The following KALRN variants were observed in gnomAD, a reference collection of about 807,000 sequenced individuals.
The protein encoded by KALRN is kalirin.
In KALRN, 70 loss-of-function variants were observed where a neutral mutation model predicts 353.7. The observed-to-expected ratio is 0.20, with a 90% CI of 0.16 to 0.24. The LOEUF is 0.24. Among genes scored for constraint, KALRN ranks in the 10% least tolerant of loss-of-function variants. The pLI is 1.00. For missense variants in KALRN, 2,791 were observed against 3,756.7 expected, an observed-to-expected ratio of 0.74 and a Z score of 6.72; for synonymous variants, 1,391 against 1,434.8, an observed-to-expected ratio of 0.97 and a Z score of 0.69.
Position 124,495,976 on chromosome 3 carries a change from T to TATGTATATATATATATATATATATAC in KALRN, c.4833-333_4833-332insGTATATATATATATATATATATACAT, listed in dbSNP as rs1214436096. On this transcript the variant is annotated intron_variant, in intron 32 of 59. Coordinates refer to ENST00000682506, the MANE Select transcript of KALRN (RefSeq NM_001388419.1). ...GTATGTGTATGTATGTATATATATA[T>TATGTATATATATATATATATATATAC]ATATATATATATATATATATATATA... 1.5e-3 allele frequency among the ~76,000 whole-genome samples: 37 copies of TATGTATATATATATATATATATATAC among 24,764 alleles called. 2 individuals are homozygous for TATGTATATATATATATATATATATAC. Among genetic ancestry groups the TATGTATATATATATATATATATATAC allele is most frequent in the South Asian group, 2.7e-3 (2 of 748 alleles). The allele number at this position is 24,764 out of a possible 152,430, so 16.2% of individuals were successfully genotyped here.
At chr3:124,407,384 G>T (rs1198123398) in intron 13 of KALRN, among the ~76,000 whole-genome samples, 1 of 151,438 alleles carries the variant, frequency 6.6e-6, no homozygotes, top group Non-Finnish European at 1.5e-5. Context: ...CTTTCTCATT[G>T]TTTCTCTTCT....
intron 1 of KALRN, among the ~76,000 whole-genome samples, chr3:124,080,500 T>C (rs1002768921): frequency 1.3e-5 from 2 of 152,226 alleles, no homozygotes; most frequent in Non-Finnish European, 2.9e-5. Context: ...AAATTGTGTA[T>C]GTGTGTTTGA....
intron 8 of KALRN, among the ~76,000 whole-genome samples, chr3:124,330,403 A>G (rs2080426230): frequency 6.6e-6 from 1 of 152,038 alleles, no homozygotes; most frequent in African/African-American, 2.4e-5. Flanking sequence ...GTGAGTGGAG[A>G]TGTACACACT....
At chr3:124,667,238 T>C in intron 47 of KALRN, 55 bp downstream of exon 47, 2 of 1,496,946 alleles carry the variant, frequency 1.3e-6, no homozygotes, top group East Asian at 4.6e-5. Context: ...CCACGACCTC[T>C]GAGCTTCCTT....
chr3:124,629,232 G>A (rs931471953), intron 34 of KALRN, among the ~76,000 whole-genome samples: 51 of 152,080 alleles, frequency 3.4e-4, no homozygotes, highest in Non-Finnish European at 3.5e-4. Context: ...GATGCTAATG[G>A]TATCACTTCT....
At chr3:124,153,425 T>A (rs917270053) in intron 1 of KALRN, among the ~76,000 whole-genome samples, 1 of 151,516 alleles carries the variant, frequency 6.6e-6, no homozygotes, top group Non-Finnish European at 1.5e-5. Context: ...ATTTCATCCA[T>A]GTCCCTACAA....
intron 1 of KALRN, among the ~76,000 whole-genome samples, chr3:124,138,814 G>T (rs2149766014): frequency 6.6e-6 from 1 of 152,316 alleles, no homozygotes; most frequent in Non-Finnish European, 1.5e-5. Context: ...TCCTCAGAGA[G>T]CTCCCAGCTT....
At chr3:124,216,119 C>T (rs2077304019) in intron 1 of KALRN, among the ~76,000 whole-genome samples, 1 of 152,324 alleles carries the variant, frequency 6.6e-6, no homozygotes, top group South Asian at 2.1e-4. Context: ...GAGAGAACCA[C>T]CTCTAATAAA....
chr3:124,353,835 T>A (rs775533838), intron 10 of KALRN, among the ~76,000 whole-genome samples: 3 of 152,174 alleles, frequency 2.0e-5, no homozygotes, highest in Non-Finnish European at 4.4e-5. Context: ...TGGAGGAATG[T>A]GAAGCAGCAG....
chr3:124,510,700 C>T (rs1246970897), intron 33 of KALRN, among the ~76,000 whole-genome samples: 1 of 152,156 alleles, frequency 6.6e-6, no homozygotes, highest in African/African-American at 2.4e-5. Context: ...CACCTCTTCT[C>T]TTTCTCATAT....
intron 6 of KALRN, among the ~76,000 whole-genome samples, chr3:124,319,583 T>TTA (rs1472417980): frequency 2.7e-5 from 4 of 147,938 alleles, no homozygotes; most frequent in Non-Finnish European, 4.5e-5. Flanking sequence ...TATATATAAA[T>TTA]TATATATATA....
intron 1 of KALRN, among the ~76,000 whole-genome samples, chr3:124,126,636 A>G (rs1336170366): frequency 6.6e-6 from 1 of 152,232 alleles, no homozygotes. Context: ...ACACAGTCAC[A>G]AGTTTGGAAG....
chr3:124,476,554 A>G (rs1448293054), intron 26 of KALRN, among the ~76,000 whole-genome samples: 1 of 152,168 alleles, frequency 6.6e-6, no homozygotes, highest in Non-Finnish European at 1.5e-5. Context: ...TTCACCAAAT[A>G]AGAAAAGTAT....
intron 58 of KALRN, among the ~76,000 whole-genome samples, chr3:124,713,832 C>T (rs780559232): frequency 6.6e-5 from 10 of 152,176 alleles, no homozygotes; most frequent in African/African-American, 9.7e-5. Flanking sequence ...TTGGCCTAGA[C>T]AGGAGACAGA....
intron 2 of KALRN, among the ~76,000 whole-genome samples, chr3:124,229,594 C>T (rs1467010442): frequency 6.6e-6 from 1 of 152,148 alleles, no homozygotes; most frequent in Non-Finnish European, 1.5e-5. Flanking sequence ...TGTTGGGCGA[C>T]AGCCAAAATA....
chr3:124,090,785 T>C (rs2061070611), intron 1 of KALRN, among the ~76,000 whole-genome samples: 1 of 152,186 alleles, frequency 6.6e-6, no homozygotes, highest in African/African-American at 2.4e-5. Flanking sequence ...TTGTTAAAAA[T>C]GCAGGCCTCT....
At chr3:124,283,279 C>A (rs1269917232) in intron 5 of KALRN, among the ~76,000 whole-genome samples, 1 of 152,214 alleles carries the variant, frequency 6.6e-6, no homozygotes, top group Non-Finnish European at 1.5e-5. Context: ...AATTAACTTG[C>A]CAAGGGCCAG....
chr3:124,477,156 C>G (rs1350567283), intron 26 of KALRN, 89 bp from the exon 27 acceptor site: 1 of 861,432 alleles, frequency 1.2e-6, no homozygotes, highest in African/African-American at 1.7e-5. Context: ...AGGGTCTTAA[C>G]TGTACAGCCC....
At chr3:124,067,954 T>A (rs2042512526) in intron 1 of KALRN, among the ~76,000 whole-genome samples, 1 of 152,228 alleles carries the variant, frequency 6.6e-6, no homozygotes, top group South Asian at 2.1e-4. Flanking sequence ...ACTGCACATG[T>A]TTCCTGAGGC....
Sources: allele counts gnomAD v4.1 joint callset (sites outside exome capture counted in the v4.1 genomes callset), GRCh38; gene constraint gnomAD v4.1.1; transcripts MANE v1.5; gene names NCBI Gene and HGNC (gene_info 2026-07-23, HGNC 2026-07-21).